The following PDZK1 variants were observed in gnomAD, a reference collection of about 807,000 sequenced individuals.
The protein encoded by PDZK1 is Na(+)/H(+) exchange regulatory cofactor NHE-RF3.
A neutral mutation model predicts 38.1 loss-of-function variants in PDZK1; 23 were observed. That is an observed-to-expected ratio of 0.60 (90% CI 0.43 to 0.85). The LOEUF is 0.85. PDZK1 is among the 40% of genes least tolerant of loss of function. The probability of loss-of-function intolerance (pLI) is 0.00; values close to 1 mark genes in which losing one functional copy is unlikely to be tolerated. For missense variants in PDZK1, 297 were observed against 504.3 expected (o/e 0.59, Z 3.94); for synonymous variants, 98 against 186.2 (o/e 0.53, Z 3.86).
intron 1 of PDZK1, among the ~76,000 whole-genome samples, chr1:145,696,806 A>T (rs782543751): frequency 5.3e-5 from 8 of 152,210 alleles, no homozygotes; most frequent in Non-Finnish European, 1.0e-4. Context: ...TGATGCCATT[A>T]AAAGATGGTG....
At chr1:145,678,045 G>T (rs1571584613) in intron 6 of PDZK1, among the ~76,000 whole-genome samples, 1 of 104,998 alleles carries the variant, frequency 9.5e-6, no homozygotes, top group Non-Finnish European at 1.9e-5. Flanking sequence ...TTTTTTATTT[G>T]CTAAGGGCTT....
At chr1:145,705,650 G>T (rs1169580766) in intron 1 of PDZK1, among the ~76,000 whole-genome samples, 2 of 152,176 alleles carry the variant, frequency 1.3e-5, no homozygotes, top group African/African-American at 2.4e-5. Context: ...CTAGGACAAG[G>T]TTTCCCAAGT....
At position 145,704,221 on chromosome 1, in the gene PDZK1, G is replaced by A. The variant is rs587773761; in HGVS notation, c.-3+3096C>T. Among the ~76,000 whole-genome samples the A allele has an allele frequency of 2.3e-3, 345 of 152,232 alleles. 2 individuals are homozygous for A. Among genetic ancestry groups the A allele is most frequent in the Non-Finnish European group, 4.0e-3 (272 of 68,002 alleles). On this transcript the variant is annotated intron_variant, in intron 1 of 8. Coordinates refer to ENST00000417171, the MANE Select transcript of PDZK1 (RefSeq NM_001201325.2). Reference sequence around the variant, plus strand: ...TCAATACAACTGGTGGAAAGTCCACGGGCTTTTCTGGATCATTTAGTTTCA... The same window carrying A: ...TCAATACAACTGGTGGAAAGTCCACAGGCTTTTCTGGATCATTTAGTTTCA...
intron 1 of PDZK1, among the ~76,000 whole-genome samples, chr1:145,703,814 CAACAAGATA>C (rs1233367192): frequency 2.0e-5 from 3 of 151,730 alleles, no homozygotes; most frequent in Non-Finnish European, 4.4e-5. Flanking sequence ...CGTGTGTCCC[CAACAAGATA>C]AGCTTTTTTT....
chr1:145,706,355 A>G (rs1163573660), intron 1 of PDZK1, among the ~76,000 whole-genome samples: 1 of 152,248 alleles, frequency 6.6e-6, no homozygotes, highest in African/African-American at 2.4e-5. Flanking sequence ...CTATCATAAC[A>G]CAGAAATTCA....
intron 1 of PDZK1, among the ~76,000 whole-genome samples, chr1:145,704,415 C>G (rs1656137913): frequency 6.6e-6 from 1 of 152,200 alleles, no homozygotes; most frequent in Admixed American, 6.5e-5. Flanking sequence ...TCCAAAACTC[C>G]TGCCATTCCC....
chr1:145,674,101 T>G (rs1553698837), intron 6 of PDZK1: 2 of 739,302 alleles, frequency 2.7e-6, no homozygotes, highest in Non-Finnish European at 3.3e-6. Flanking sequence ...TGTACACAAA[T>G]GCACACATGA....
At chr1:145,702,489 CT>C (rs1233407945) in intron 1 of PDZK1, among the ~76,000 whole-genome samples, 11 of 151,186 alleles carry the variant, frequency 7.3e-5, no homozygotes, top group South Asian at 2.1e-4. Flanking sequence ...TACCCCCCCA[CT>C]TTTTTTTTGG....
At chr1:145,693,358 T>A (rs1410665698) in intron 1 of PDZK1, among the ~76,000 whole-genome samples, 1 of 152,168 alleles carries the variant, frequency 6.6e-6, no homozygotes, top group Non-Finnish European at 1.5e-5. Flanking sequence ...TGATTCTCAA[T>A]CCTAGCTGCC....
Position 145,687,832 on chromosome 1 carries a change from C to G in PDZK1, c.190G>C (p.Asp64His), listed in dbSNP as rs587669051. ...RVLRINGVFV[D>H]KEEHMQVVDL... ...TTCACCTGCATATGTTCTTCTTTGT[C>G]CACAAAGACACCATTGATCCTAAGA... The change falls in exon 2 of 9, where the codon GAC becomes CAC. Residue 64 changes from aspartate to histidine, a missense_variant. Asp to His is a moderately conservative substitution (Grantham distance 81). Coordinates refer to ENST00000417171, the MANE Select transcript of PDZK1 (RefSeq NM_001201325.2). 5.5e-5 allele frequency: 88 copies of G among 1,613,332 alleles called. No individual in the cohort carries two copies. The East Asian group carries it at 1.9e-3, about 35-fold the overall frequency.
At chr1:145,688,082 A>T in intron 1 of PDZK1, 59 bp from the exon 2 acceptor site, 5 of 1,373,044 alleles carry the variant, frequency 3.6e-6, no homozygotes, top group Non-Finnish European at 5.2e-6. Context: ...TTGGAGTGAG[A>T]ACCCCATCCT....
chr1:145,681,748 C>T (rs1252207194), intron 4 of PDZK1, among the ~76,000 whole-genome samples: 3 of 114,358 alleles, frequency 2.6e-5, no homozygotes, highest in Non-Finnish European at 5.2e-5. Flanking sequence ...TAAGGGTCCA[C>T]GTCAAAAAAT....
chr1:145,692,342 G>C (rs1655285838), intron 1 of PDZK1, among the ~76,000 whole-genome samples: 1 of 152,224 alleles, frequency 6.6e-6, no homozygotes, highest in Non-Finnish European at 1.5e-5. Flanking sequence ...TGCACAGAAA[G>C]CTGGAAGTCT....
In PDZK1 at chr1:145,689,738, T is replaced by A. The variant is rs146002531; in HGVS notation, c.-2-1715A>T. Reference sequence around the variant, plus strand: ...AATAAACCACCTATCCCTTCCCTCCTGGAGGGACAAGAACGGATGACCACA... The same window carrying A: ...AATAAACCACCTATCCCTTCCCTCCAGGAGGGACAAGAACGGATGACCACA... On this transcript the variant is annotated intron_variant, in intron 1 of 8. Coordinates refer to ENST00000417171, the MANE Select transcript of PDZK1 (RefSeq NM_001201325.2). Among the ~76,000 whole-genome samples the A allele has an allele frequency of 1.0e-3, 157 of 152,064 alleles. 1 individual carries two copies. Among genetic ancestry groups the A allele is most frequent in the Non-Finnish European group, 1.9e-3 (127 of 67,954 alleles).
chr1:145,676,247 C>A (rs1653656632), intron 6 of PDZK1: 2 of 749,364 alleles, frequency 2.7e-6, no homozygotes, highest in Non-Finnish European at 3.3e-6. Context: ...ACAATTAAAT[C>A]ATTCTATGAT....
chr1:145,689,873 G>A (rs1655099115), intron 1 of PDZK1, among the ~76,000 whole-genome samples: 2 of 152,064 alleles, frequency 1.3e-5, no homozygotes, highest in Non-Finnish European at 2.9e-5. Context: ...CCACAGAGAC[G>A]TACAGTACAA....
rs1553698606 is a variant in PDZK1, at chr1:145,673,572, T to TA, written c.1215+84dup. On this transcript the variant is annotated intron_variant, in intron 7 of 8. Transcript: ENST00000417171. ...GTGTGTGCCTTCAATGGAACCTCTC[T>TA]ACTAAGCCATCAATGGGTGGGAAAA... 101 of 912,378 alleles carry TA rather than the reference T, an allele frequency of 1.1e-4. 5 individuals are homozygous for TA. Among genetic ancestry groups the TA allele is most frequent in the Non-Finnish European group, 1.5e-4 (89 of 579,706 alleles). The allele number at this position is 912,378 out of a possible 1,614,324, so 56.5% of individuals were successfully genotyped here. A position where few individuals can be genotyped will look rare whatever the true frequency, so the allele number is the denominator to read the frequency against.
intron 1 of PDZK1, among the ~76,000 whole-genome samples, chr1:145,693,359 C>T (rs1553703633): frequency 6.6e-6 from 1 of 152,200 alleles, no homozygotes; most frequent in African/African-American, 2.4e-5. Flanking sequence ...GATTCTCAAT[C>T]CTAGCTGCCC....
chr1:145,694,148 AT>A (rs1291224890), intron 1 of PDZK1, among the ~76,000 whole-genome samples: 3 of 152,146 alleles, frequency 2.0e-5, no homozygotes, highest in South Asian at 2.1e-4. Context: ...TATGCTCTTA[AT>A]TAAGTCTAGG....
Sources: allele counts gnomAD v4.1 joint callset (sites outside exome capture counted in the v4.1 genomes callset), GRCh38; gene constraint gnomAD v4.1.1; transcripts MANE v1.5; gene names NCBI Gene and HGNC (gene_info 2026-07-23, HGNC 2026-07-21).